Variants in RWDD4 observed in about 807,000 individuals in gnomAD.
RWDD4 encodes the protein RWD domain containing 4.
Under a neutral mutation model 30.0 loss-of-function variants are expected in RWDD4, and 16 were observed. The observed-to-expected ratio is 0.53, with a 90% CI of 0.36 to 0.81. RWDD4 has a LOEUF of 0.81. RWDD4 is among the 30% of genes least tolerant of loss of function. The pLI, the probability that RWDD4 is intolerant of heterozygous loss-of-function variation, is 0.00. For missense variants in RWDD4, 170 were observed against 223.9 expected, an observed-to-expected ratio of 0.76 and a Z score of 1.54; for synonymous variants, 45 against 72.1, an observed-to-expected ratio of 0.62 and a Z score of 1.90.
intron 1 of RWDD4, among the ~76,000 whole-genome samples, chr4:183,656,610 GAA>G (rs1734198996): frequency 6.6e-6 from 1 of 152,182 alleles, no homozygotes; most frequent in African/African-American, 2.4e-5. Context: ...GAATACCTGA[GAA>G]AAGAAGTAAA....
At chr4:183,645,145 G>T (rs1733943462) in intron 7 of RWDD4, among the ~76,000 whole-genome samples, 1 of 152,000 alleles carries the variant, frequency 6.6e-6, no homozygotes. Context: ...AACCAAAAAG[G>T]TTTAAGAATA....
At chr4:183,642,283 G>A (rs1579121038) in intron 7 of RWDD4, among the ~76,000 whole-genome samples, 1 of 120,254 alleles carries the variant, frequency 8.3e-6, no homozygotes, top group Admixed American at 8.5e-5. Flanking sequence ...TCCGCCTCCC[G>A]GGTTCACGCC....
rs756024730 is a variant in RWDD4, at chr4:183,646,396, G to A, written c.532-43C>T. The A allele has an allele frequency of 1.7e-5, 26 of 1,521,242 alleles. No individual in the cohort carries two copies. The Admixed American group carries it at 4.3e-4, about 25-fold the overall frequency. The allele number at this position is 1,521,242 out of a possible 1,614,324, so 94.2% of individuals were successfully genotyped here. A position where few individuals can be genotyped will look rare whatever the true frequency, so the allele number is the denominator to read the frequency against. ...AACAGACATCCCAGTGAATTCCAAA[G>A]GTTGTGAAGGGGAAAACAAAAAATA... is the stretch of plus-strand genomic sequence containing the variant. On this transcript the variant is annotated intron_variant, in intron 6 of 7. Coordinates refer to ENST00000326397, the MANE Select transcript of RWDD4 (RefSeq NM_152682.4).
chr4:183,658,499 A>T (rs1276204008), intron 1 of RWDD4, among the ~76,000 whole-genome samples: 2 of 152,226 alleles, frequency 1.3e-5, no homozygotes, highest in Non-Finnish European at 2.9e-5. Context: ...ATGCACCACC[A>T]GTGTCATTTT....
At chr4:183,641,503 G>GT in intron 7 of RWDD4, 35 bp from the exon 8 acceptor site, 1 of 1,538,616 alleles carries the variant, frequency 6.5e-7, no homozygotes, top group South Asian at 1.1e-5. Flanking sequence ...TCAACAAGTG[G>GT]TATTTTCTGA....
At chr4:183,650,233 T>C (rs959070091) in intron 4 of RWDD4, among the ~76,000 whole-genome samples, 18 of 152,188 alleles carry the variant, frequency 1.2e-4, no homozygotes, top group African/African-American at 4.1e-4. Flanking sequence ...TGGTGAGTGG[T>C]GCAGTGATGT....
chr4:183,643,902 G>C (rs1478977512), intron 7 of RWDD4, among the ~76,000 whole-genome samples: 1 of 152,110 alleles, frequency 6.6e-6, no homozygotes, highest in Non-Finnish European at 1.5e-5. Context: ...TGGGCAACAA[G>C]TGCGAAACTC....
At chr4:183,656,593 C>T (rs1734198583) in intron 1 of RWDD4, among the ~76,000 whole-genome samples, 1 of 152,178 alleles carries the variant, frequency 6.6e-6, no homozygotes, top group Non-Finnish European at 1.5e-5. Context: ...TCACTGTGAT[C>T]ACCGATGAAT....
chr4:183,643,149 G>A (rs182129625), intron 7 of RWDD4, among the ~76,000 whole-genome samples: 1,826 of 145,802 alleles, frequency 0.013, 12 homozygotes, highest in Middle Eastern at 0.029. Flanking sequence ...GGTTAAGGCC[G>A]GGCATGGTGG....
intron 5 of RWDD4, among the ~76,000 whole-genome samples, 196 bp downstream of exon 5, chr4:183,649,255 A>G (rs1734026153): frequency 6.6e-6 from 1 of 152,148 alleles, no homozygotes; most frequent in African/African-American, 2.4e-5. Flanking sequence ...CTCTACTAAA[A>G]ATACAAAAAT....
At chr4:183,651,385 A>G (rs1579129055) in intron 2 of RWDD4, 58 bp from the exon 3 acceptor site, 2 of 1,220,902 alleles carry the variant, frequency 1.6e-6, no homozygotes, top group East Asian at 2.3e-5. Flanking sequence ...AGAAAACTAA[A>G]TTATAATCTT....
chr4:183,643,099 T>TA (rs1228436105), intron 7 of RWDD4, among the ~76,000 whole-genome samples: 4 of 97,346 alleles, frequency 4.1e-5, no homozygotes, highest in East Asian at 2.5e-4. Context: ...AATAAATAAA[T>TA]AAATAAAATA....
At chr4:183,658,541 C>T (rs765656293) in intron 1 of RWDD4, among the ~76,000 whole-genome samples, 18 of 152,176 alleles carry the variant, frequency 1.2e-4, no homozygotes, top group Non-Finnish European at 1.8e-4. Flanking sequence ...ACTCAATTAG[C>T]CCTCTACTAG....
rs1225349228 is a variant in RWDD4, at chr4:183,651,236, G to A, written c.197C>T (p.Ala66Val). The A allele has an allele frequency of 5.0e-6, 8 of 1,613,718 alleles. No homozygotes were observed. The highest frequency in any genetic ancestry group is 6.8e-6 in the Non-Finnish European group (8 of 1,179,862). The change falls in exon 3 of 8, where the codon GCT (alanine) becomes GTT (valine). Residue 66 changes from alanine (A) to valine (V), a missense_variant. Physicochemically the swap from Ala to Val is moderately conservative, Grantham distance 64. Coordinates refer to ENST00000326397, the MANE Select transcript of RWDD4 (RefSeq NM_152682.4). ...PQTPPILSMN[A>V]FFNNTISSAV... ...TACTCACATGGTGTTGTTAAAAAAAGCGTTCATAGATAGAATTGGAGGTGT... is the reference window on the plus strand; with the variant it reads ...TACTCACATGGTGTTGTTAAAAAAAACGTTCATAGATAGAATTGGAGGTGT...
chr4:183,647,456 A>G (rs751645001), intron 5 of RWDD4, among the ~76,000 whole-genome samples: 55 of 152,182 alleles, frequency 3.6e-4, no homozygotes, highest in Non-Finnish European at 6.2e-4. Flanking sequence ...TATAGGGGGC[A>G]CATCACCAAT....
At chr4:183,652,175 T>G (rs1459243723) in intron 2 of RWDD4, among the ~76,000 whole-genome samples, 1 of 152,186 alleles carries the variant, frequency 6.6e-6, no homozygotes, top group Non-Finnish European at 1.5e-5. Context: ...AATTCAACAT[T>G]GGTACAAAAA....
intron 5 of RWDD4, among the ~76,000 whole-genome samples, chr4:183,647,886 G>C (rs1733992534): frequency 6.6e-6 from 1 of 152,094 alleles, no homozygotes; most frequent in South Asian, 2.1e-4. Context: ...GCCACAGACA[G>C]ACATTAAACA....
chr4:183,649,084 C>T (rs1734022432), intron 5 of RWDD4, among the ~76,000 whole-genome samples: 3 of 151,960 alleles, frequency 2.0e-5, no homozygotes, highest in South Asian at 2.1e-4. Context: ...TCCACCATAT[C>T]ACACTAAGAA....
At chr4:183,644,594 C>T (rs1733930435) in intron 7 of RWDD4, among the ~76,000 whole-genome samples, 1 of 152,084 alleles carries the variant, frequency 6.6e-6, no homozygotes, top group Admixed American at 6.5e-5. Context: ...CCCTGGTCTA[C>T]ATGGCGAAAG....
Sources: allele counts gnomAD v4.1 joint callset (sites outside exome capture counted in the v4.1 genomes callset), GRCh38; gene constraint gnomAD v4.1.1; transcripts MANE v1.5; gene names NCBI Gene and HGNC (gene_info 2026-07-23, HGNC 2026-07-21).